Variants in SDK1 observed in about 807,000 individuals in gnomAD.
SDK1 encodes the protein protein sidekick-1.
SDK1 carries 157 observed loss-of-function variants against 245.5 expected under a neutral mutation model. That is an observed-to-expected ratio of 0.64 (90% CI 0.56 to 0.73). SDK1 has a LOEUF of 0.73. SDK1 is among the 30% of genes least tolerant of loss of function. The probability of loss-of-function intolerance (pLI) is 0.00; values close to 1 mark genes in which losing one functional copy is unlikely to be tolerated. For synonymous variants in SDK1, 1,647 were observed against 1,278.5 expected (o/e 1.29, Z -6.15); for missense variants, 3,583 against 3,002.3 (o/e 1.19, Z -4.52).
intron 1 of SDK1, among the ~76,000 whole-genome samples, chr7:3,429,050 G>A (rs994487538): frequency 1.3e-5 from 2 of 152,136 alleles, no homozygotes; most frequent in African/African-American, 4.8e-5. Context: ...CATCTGGCCG[G>A]CTGGTAGTCA....
intron 5 of SDK1, among the ~76,000 whole-genome samples, chr7:3,923,925 G>T (rs763447257): frequency 2.6e-5 from 4 of 152,120 alleles, no homozygotes; most frequent in Admixed American, 1.3e-4. Context: ...CCCTTAGACA[G>T]GGCTTGCTCA....
At chr7:3,656,193 C>G (rs1324427271) in intron 4 of SDK1, among the ~76,000 whole-genome samples, 1 of 152,176 alleles carries the variant, frequency 6.6e-6, no homozygotes, top group Admixed American at 6.5e-5. Context: ...TATGCCCCCT[C>G]CATCCTTCCC....
At chr7:4,264,671 G>T (rs1039305567) in intron 44 of SDK1, among the ~76,000 whole-genome samples, 1 of 146,820 alleles carries the variant, frequency 6.8e-6, no homozygotes, top group Non-Finnish European at 1.5e-5. Context: ...TCCTGAGTGA[G>T]GGAGGCTGCG....
chr7:3,967,509 T>C (rs1461281809), intron 10 of SDK1, 75 bp downstream of exon 10: 1 of 882,630 alleles, frequency 1.1e-6, no homozygotes, highest in South Asian at 1.4e-5. Context: ...TTGCTTCTTA[T>C]TCACTCTCTT....
At chr7:3,451,661 T>G (rs1583877086) in intron 1 of SDK1, among the ~76,000 whole-genome samples, 2 of 152,212 alleles carry the variant, frequency 1.3e-5, no homozygotes, top group African/African-American at 2.4e-5. Context: ...TTACTGAAAT[T>G]TAAGCTACAG....
At chr7:4,189,796 TAAATA>T (rs1229156490) in intron 35 of SDK1, among the ~76,000 whole-genome samples, 2 of 152,188 alleles carry the variant, frequency 1.3e-5, no homozygotes, top group African/African-American at 4.8e-5. Context: ...TCTCAAAAAA[TAAATA>T]AAATAAAATC....
chr7:3,744,930 T>A (rs1779577087), intron 4 of SDK1, among the ~76,000 whole-genome samples: 1 of 152,222 alleles, frequency 6.6e-6, no homozygotes, highest in South Asian at 2.1e-4. Context: ...TGGTTATGCT[T>A]TTCTTTTTCC....
intron 5 of SDK1, among the ~76,000 whole-genome samples, chr7:3,925,873 C>T (rs529434219): frequency 1.1e-4 from 17 of 152,234 alleles, no homozygotes; most frequent in Admixed American, 5.9e-4. Context: ...ATTGATGAAA[C>T]GGAAATTATC....
At chr7:3,306,281 C>G (rs1779415552) in intron 1 of SDK1, among the ~76,000 whole-genome samples, 1 of 152,150 alleles carries the variant, frequency 6.6e-6, no homozygotes, top group African/African-American at 2.4e-5. Context: ...CATTCGTCTC[C>G]TCTAAGAAAA....
chr7:3,796,686 G>A (rs1449025738), intron 4 of SDK1, among the ~76,000 whole-genome samples: 1 of 152,146 alleles, frequency 6.6e-6, no homozygotes, highest in Non-Finnish European at 1.5e-5. Context: ...TAACAAAAAT[G>A]GCTTTCATTG....
intron 5 of SDK1, among the ~76,000 whole-genome samples, chr7:3,854,725 G>T (rs1021144022): frequency 6.6e-6 from 1 of 152,100 alleles, no homozygotes; most frequent in Non-Finnish European, 1.5e-5. Context: ...AGGGATTTTC[G>T]ATCAGATGTC....
chr7:3,430,471 T>A (rs1046813325), intron 1 of SDK1, among the ~76,000 whole-genome samples: 2 of 152,206 alleles, frequency 1.3e-5, no homozygotes, highest in Non-Finnish European at 2.9e-5. Context: ...CTCATCTGTC[T>A]CTACTTTTAC....
intron 40 of SDK1, among the ~76,000 whole-genome samples, chr7:4,231,434 G>A (rs113257625): frequency 2.6e-5 from 4 of 151,934 alleles, no homozygotes; most frequent in African/African-American, 7.3e-5. Flanking sequence ...TTAGCCAGGC[G>A]TGGTGGCGCA....
chr7:3,417,339 C>G (rs1779402750), intron 1 of SDK1, among the ~76,000 whole-genome samples: 1 of 151,982 alleles, frequency 6.6e-6, no homozygotes, highest in Non-Finnish European at 1.5e-5. Flanking sequence ...TTCCCCGACT[C>G]TTCGTCTTCT....
intron 38 of SDK1, among the ~76,000 whole-genome samples, chr7:4,217,089 A>G (rs1464375807): frequency 2.9e-3 from 41 of 14,208 alleles, no homozygotes; most frequent in African/African-American, 0.013. Flanking sequence ...GGAGCACCAC[A>G]CCACCCGGAG....
intron 35 of SDK1, among the ~76,000 whole-genome samples, chr7:4,205,667 A>G (rs6462646): frequency 0.016 from 2,403 of 152,366 alleles, 68 homozygotes; most frequent in African/African-American, 0.055. Context: ...CTGGCATAAA[A>G]GGGCTGAGAG....
intron 5 of SDK1, among the ~76,000 whole-genome samples, chr7:3,898,738 C>T (rs763599566): frequency 6.6e-6 from 1 of 152,120 alleles, no homozygotes; most frequent in East Asian, 1.9e-4. Flanking sequence ...CCCCTTGTGT[C>T]ATCCTTGATT....
intron 26 of SDK1, among the ~76,000 whole-genome samples, chr7:4,128,918 G>C (rs1337586336): frequency 2.3e-5 from 3 of 131,302 alleles, no homozygotes; most frequent in Non-Finnish European, 5.0e-5. Flanking sequence ...CCCTGGAGGA[G>C]AGCAGCTTGG....
At chr7:3,455,168 ATAT>A in intron 1 of SDK1, among the ~76,000 whole-genome samples, 1 of 151,942 alleles carries the variant, frequency 6.6e-6, no homozygotes, top group African/African-American at 2.4e-5. Flanking sequence ...AGTTTTAAAA[ATAT>A]ATATTCTAGA....
Sources: allele counts gnomAD v4.1 joint callset (sites outside exome capture counted in the v4.1 genomes callset), GRCh38; gene constraint gnomAD v4.1.1; transcripts MANE v1.5; gene names NCBI Gene and HGNC (gene_info 2026-07-23, HGNC 2026-07-21).